Variants in PPP2R2D observed in about 807,000 individuals in gnomAD.
The protein encoded by PPP2R2D is protein phosphatase 2 regulatory subunit Bdelta, also known as serine/threonine-protein phosphatase 2A 55 kDa regulatory subunit B delta isoform.
In PPP2R2D, 9 loss-of-function variants were observed where a neutral mutation model predicts 31.1. The ratio of observed to expected loss-of-function variants is 0.29; its 90% CI spans 0.17 to 0.51. PPP2R2D has a LOEUF of 0.51. PPP2R2D is among the 20% of genes least tolerant of loss of function. The probability of loss-of-function intolerance (pLI) is 0.98; values close to 1 mark genes in which losing one functional copy is unlikely to be tolerated. For missense variants in PPP2R2D, 391 were observed against 465.6 expected, an observed-to-expected ratio of 0.84 and a Z score of 1.48; for synonymous variants, 179 against 172.6, an observed-to-expected ratio of 1.04 and a Z score of -0.29.
At position 131,940,171 on chromosome 10, in the gene PPP2R2D, T is replaced by C. The variant is rs1338714025; in HGVS notation, c.339T>C (p.Ala113=). 5.2e-6 allele frequency: 4 copies of C among 763,482 alleles called. No homozygotes were observed. The highest frequency in any genetic ancestry group is 9.7e-6 in the Non-Finnish European group (4 of 411,828). 47.3% of individuals were successfully genotyped at this position (763,482 alleles called of 1,614,324 possible). The part of the protein sequence containing the change: ...NKIRWLPQQN[A]AHFLLSTNDK... ...TTAGGTGGTTACCACAACAGAATGC[T>C]GCTCATTTTCTACTGTCTACAAATG... is the stretch of plus-strand genomic sequence containing the variant. Residue 113 remains alanine, a synonymous_variant, in exon 4 of 9, where the codon GCT becomes GCC. Coordinates refer to ENST00000455566, the MANE Select transcript of PPP2R2D (RefSeq NM_018461.5).
intron 2 of PPP2R2D, among the ~76,000 whole-genome samples, chr10:131,925,528 C>T (rs1483366598): frequency 6.6e-6 from 1 of 152,106 alleles, no homozygotes; most frequent in East Asian, 1.9e-4. Flanking sequence ...TTGTTTGTTC[C>T]TGTAGCAGAG....
intron 2 of PPP2R2D, 85 bp downstream of exon 2, chr10:131,901,415 C>T (rs1407379696): frequency 8.8e-6 from 3 of 339,026 alleles, no homozygotes; most frequent in Non-Finnish European, 1.6e-5. Context: ...CCCAAGCGTC[C>T]GTGGAAGGCA....
chr10:131,916,894 T>C (rs1300014422), intron 2 of PPP2R2D, among the ~76,000 whole-genome samples: 1 of 143,774 alleles, frequency 7.0e-6, no homozygotes, highest in Non-Finnish European at 1.5e-5. Context: ...CTCACGCAGG[T>C]GGAATGACAC....
At chr10:131,918,347 A>G (rs2035869963) in intron 2 of PPP2R2D, among the ~76,000 whole-genome samples, 1 of 149,564 alleles carries the variant, frequency 6.7e-6, no homozygotes, top group Non-Finnish European at 1.5e-5. Flanking sequence ...TAGGGACCTC[A>G]GGCGGGTGGA....
intron 8 of PPP2R2D, among the ~76,000 whole-genome samples, chr10:131,955,474 G>A (rs565926991): frequency 6.6e-6 from 1 of 152,310 alleles, no homozygotes; most frequent in East Asian, 1.9e-4. Flanking sequence ...CTGTGACATG[G>A]ATTCTTACTG....
At chr10:131,913,184 A>ATTTTTTTT (rs36188479) in intron 2 of PPP2R2D, among the ~76,000 whole-genome samples, 1 of 134,834 alleles carries the variant, frequency 7.4e-6, no homozygotes. Context: ...TGCCCGGCTA[A>ATTTTTTTT]TTTTTTTTTT....
intron 2 of PPP2R2D, among the ~76,000 whole-genome samples, chr10:131,910,875 A>G (rs1341608029): frequency 3.9e-5 from 6 of 152,128 alleles, no homozygotes; most frequent in African/African-American, 7.2e-5. Context: ...CCAGTGGCCA[A>G]ACAGTCTTGC....
intron 5 of PPP2R2D, among the ~76,000 whole-genome samples, chr10:131,942,892 G>C (rs2036465906): frequency 6.6e-6 from 1 of 152,076 alleles, no homozygotes; most frequent in Non-Finnish European, 1.5e-5. Context: ...CCAAGGGTGT[G>C]GTCAGCACTA....
At chr10:131,929,066 G>T (rs2036159403) in intron 2 of PPP2R2D, among the ~76,000 whole-genome samples, 1 of 152,198 alleles carries the variant, frequency 6.6e-6, no homozygotes, top group Non-Finnish European at 1.5e-5. Flanking sequence ...CTCTCCAGAT[G>T]CAGTTTCTGG....
At chr10:131,953,099 G>A (rs1373973926) in intron 8 of PPP2R2D, among the ~76,000 whole-genome samples, 8 of 122,518 alleles carry the variant, frequency 6.5e-5, no homozygotes, top group Non-Finnish European at 1.3e-4. Context: ...TGTCTTAGCA[G>A]TGACTTGCGG....
chr10:131,971,215 CAG>C, the PPP2R2D span: 3 of 524,602 alleles, frequency 5.7e-6, no homozygotes, highest in Non-Finnish European at 1.0e-5. Context: ...GAGCCCCACT[CAG>C]GGCGTAAATA....
chr10:131,957,177 C>A lies in PPP2R2D; in HGVS notation c.*1214C>A. 5.8e-6 allele frequency: 1 copy of A among 171,534 alleles called. No homozygotes were observed. Among genetic ancestry groups the A allele is most frequent in the Non-Finnish European group, 1.3e-5 (1 of 79,278 alleles). 10.6% of individuals were successfully genotyped at this position (171,534 alleles called of 1,614,324 possible). A position where few individuals can be genotyped will look rare whatever the true frequency, so the allele number is the denominator to read the frequency against. ...AGTGGGGAGTCGGGCTCCCGTGCCC[C>A]TGTGGAGATGGAGGTGTGTGCTGAT... On this transcript the variant is annotated 3_prime_UTR_variant, in exon 9 of 9. Transcript: ENST00000455566.
intron 8 of PPP2R2D, among the ~76,000 whole-genome samples, chr10:131,952,455 C>CAG (rs1309990717): frequency 6.0e-4 from 39 of 65,116 alleles, no homozygotes; most frequent in African/African-American, 2.6e-3. Context: ...TGTGGGTGTG[C>CAG]GGGGGTTCAC....
intron 2 of PPP2R2D, among the ~76,000 whole-genome samples, chr10:131,908,418 A>G (rs928401351): frequency 2.6e-5 from 4 of 151,976 alleles, no homozygotes; most frequent in Admixed American, 1.3e-4. Flanking sequence ...TAGACTCCAG[A>G]TTTCCCTTTC....
chr10:131,902,237 G>A (rs2035511893), intron 2 of PPP2R2D, among the ~76,000 whole-genome samples: 1 of 152,288 alleles, frequency 6.6e-6, no homozygotes, highest in East Asian at 1.9e-4. Flanking sequence ...ACATCTTACT[G>A]AACATTGTAA....
chr10:131,954,443 T>C (rs2036753404), intron 8 of PPP2R2D, among the ~76,000 whole-genome samples: 2 of 152,256 alleles, frequency 1.3e-5, no homozygotes, highest in East Asian at 3.8e-4. Context: ...CCCCAGTCAA[T>C]GGCCCTCACG....
intron 2 of PPP2R2D, among the ~76,000 whole-genome samples, 165 bp downstream of exon 2, chr10:131,901,495 C>A (rs1245872619): frequency 6.6e-6 from 1 of 151,630 alleles, no homozygotes. Context: ...GGGGGGCGGC[C>A]GTCCTCTGTC....
chr10:131,930,940 T>A (rs993560763), intron 2 of PPP2R2D, among the ~76,000 whole-genome samples: 4 of 152,236 alleles, frequency 2.6e-5, no homozygotes, highest in Middle Eastern at 3.2e-3. Context: ...TTTTGATGAT[T>A]ACTGTTGCCC....
At chr10:131,953,037 A>ATGT (rs2036708960) in intron 8 of PPP2R2D, among the ~76,000 whole-genome samples, 2 of 57,830 alleles carry the variant, frequency 3.5e-5, no homozygotes, top group Middle Eastern at 0.016. Context: ...GCGGGTGTGC[A>ATGT]GGGGGTTTCA....
Sources: allele counts gnomAD v4.1 joint callset (sites outside exome capture counted in the v4.1 genomes callset), GRCh38; gene constraint gnomAD v4.1.1; transcripts MANE v1.5; gene names NCBI Gene and HGNC (gene_info 2026-07-23, HGNC 2026-07-21).